Variants in CPSF4 observed in about 807,000 individuals in gnomAD.
The protein encoded by CPSF4 is cleavage and polyadenylation specific factor 4.
In CPSF4, 11 loss-of-function variants were observed where a neutral mutation model predicts 37.7. The ratio of observed to expected loss-of-function variants is 0.29; its 90% CI spans 0.18 to 0.48. The LOEUF is 0.48. Among genes scored for constraint, CPSF4 ranks in the 20% least tolerant of loss-of-function variants. The pLI is 0.99. For synonymous variants in CPSF4, 132 were observed against 135.9 expected, an observed-to-expected ratio of 0.97 and a Z score of 0.20; for missense variants, 144 against 359.5, an observed-to-expected ratio of 0.40 and a Z score of 4.85.
At chr7:99,444,981 C>T in intron 2 of CPSF4, 142 bp downstream of exon 2, 1 of 722,194 alleles carries the variant, frequency 1.4e-6, no homozygotes, top group South Asian at 1.7e-5. Flanking sequence ...CTGGTTTGGA[C>T]AGGCTAGGAC....
intron 1 of CPSF4, chr7:99,443,401 C>T: frequency 6.9e-7 from 1 of 1,457,328 alleles, no homozygotes; most frequent in East Asian, 2.3e-5. Flanking sequence ...TGGATAAGAT[C>T]TTGCTTTATT....
rs1798352695 is a variant in CPSF4, at chr7:99,456,916, C to G, written c.*416C>G. The G allele has an allele frequency of 2.9e-6, 1 of 348,298 alleles. No homozygotes were observed. Among genetic ancestry groups the G allele is most frequent in the Admixed American group, 3.8e-5 (1 of 26,098 alleles). 21.6% of individuals were successfully genotyped at this position (348,298 alleles called of 1,614,324 possible). On this transcript the variant is annotated 3_prime_UTR_variant, in exon 8 of 8. Coordinates refer to ENST00000292476, the MANE Select transcript of CPSF4 (RefSeq NM_006693.4). ...CAAAGCTGTGGCCAGCTCACGCCTG[C>G]TTCCTCCCTCCCTGCCCTGCTGAAT... is the stretch of plus-strand genomic sequence containing the variant.
chr7:99,443,000 C>A (rs1250576805), intron 1 of CPSF4: 1 of 1,543,724 alleles, frequency 6.5e-7, no homozygotes, highest in Non-Finnish European at 9.0e-7. Flanking sequence ...TTTTCAGTTT[C>A]TTATCATCTT....
intron 2 of CPSF4, chr7:99,447,794 A>T: frequency 2.2e-6 from 1 of 460,156 alleles, no homozygotes. Context: ...TTTCACCGTG[A>T]CAGCCAGGAT....
In CPSF4 at chr7:99,438,952, C is replaced by A; in HGVS notation, c.-131C>A. On this transcript the variant is annotated 5_prime_UTR_variant, in exon 1 of 8. Coordinates refer to ENST00000292476, the MANE Select transcript of CPSF4 (RefSeq NM_006693.4). ...GGCTCCGGGCGCTCCCGGCATCCCT[C>A]GGGCGGCGGCGGCGGCGGCGGCGAG... The A allele has an allele frequency of 7.4e-7, 1 of 1,352,938 alleles. No individual in the cohort carries two copies. Among genetic ancestry groups the A allele is most frequent in the Non-Finnish European group, 9.5e-7 (1 of 1,054,356 alleles). The allele number at this position is 1,352,938 out of a possible 1,614,324, so 83.8% of individuals were successfully genotyped here.
At chr7:99,451,928 G>A (rs1030431448) in intron 5 of CPSF4, among the ~76,000 whole-genome samples, 2 of 152,242 alleles carry the variant, frequency 1.3e-5, no homozygotes, top group African/African-American at 4.8e-5. Context: ...CTCCCTGAAT[G>A]AGAGTGCAGG....
Position 99,439,160 on chromosome 7 carries a change from G to A in CPSF4, c.78G>A (p.Gln26=). The change falls in exon 1 of 8, where the codon CAG becomes CAA. Residue 26 remains glutamine (Q), a synonymous_variant. Coordinates refer to ENST00000292476, the MANE Select transcript of CPSF4 (RefSeq NM_006693.4). The part of the protein sequence containing the change: ...EIAVEQQLGA[Q]PLPFPGMDKS... ...CGGTGGAGCAGCAGCTGGGGGCGCA[G>A]CCGCTGCCCTTCCCCGGCATGGACA... 1 of 1,609,054 alleles carries A rather than the reference G, an allele frequency of 6.2e-7. No individual in the cohort carries two copies. Among genetic ancestry groups the A allele is most frequent in the Non-Finnish European group, 8.5e-7 (1 of 1,179,128 alleles).
intron 7 of CPSF4, among the ~76,000 whole-genome samples, chr7:99,455,812 G>A (rs568309561): frequency 5.9e-5 from 9 of 152,306 alleles, no homozygotes; most frequent in South Asian, 4.1e-4. Context: ...TCTAAGCATC[G>A]TCCCATCTCT....
chr7:99,445,390 GCAACAGAGCAAGACTCTATCT>G (rs1797401786), intron 2 of CPSF4, among the ~76,000 whole-genome samples: 1 of 151,672 alleles, frequency 6.6e-6, no homozygotes, highest in South Asian at 2.1e-4. Context: ...CTCCAGCCTG[GCAACAGAGCAAGACTCTATCT>G]CAAAAAAAAA....
chr7:99,451,934 G>A (rs1797959629), intron 5 of CPSF4, among the ~76,000 whole-genome samples: 1 of 152,246 alleles, frequency 6.6e-6, no homozygotes, highest in African/African-American at 2.4e-5. Flanking sequence ...GAATGAGAGT[G>A]CAGGCACCTG....
At chr7:99,442,374 C>A (rs1363249494) in intron 1 of CPSF4, among the ~76,000 whole-genome samples, 1 of 151,758 alleles carries the variant, frequency 6.6e-6, no homozygotes, top group Non-Finnish European at 1.5e-5. Flanking sequence ...GCAACATAAT[C>A]GGCCGGGCGT....
chr7:99,452,904 T>C (rs1210947127), intron 6 of CPSF4: 1 of 156,466 alleles, frequency 6.4e-6, no homozygotes, highest in African/African-American at 2.4e-5. Context: ...CTGACCACTC[T>C]GGCCAGCACC....
chr7:99,444,685 C>G, intron 1 of CPSF4, 104 bp from the exon 2 acceptor site: 5 of 1,104,354 alleles, frequency 4.5e-6, no homozygotes, highest in Non-Finnish European at 5.4e-6. Context: ...ACCCTGAACC[C>G]TTGGTGGGTC....
intron 7 of CPSF4, among the ~76,000 whole-genome samples, chr7:99,455,595 CAG>C (rs1297358790): frequency 6.6e-6 from 1 of 152,226 alleles, no homozygotes; most frequent in African/African-American, 2.4e-5. Context: ...CAGAGCCCCT[CAG>C]GGCAGCAGGG....
chr7:99,456,805 G>A lies in CPSF4; in HGVS notation c.*305G>A, dbSNP rs577957963. On this transcript the variant is annotated 3_prime_UTR_variant, in exon 8 of 8. Transcript: ENST00000292476. ...GGGAGGGAGGCAGCTGCTGGGGAGG[G>A]GCTTGGCTAGGTAGTTCTGTGTGGC... 29 of 475,278 alleles carry A rather than the reference G, an allele frequency of 6.1e-5. No homozygotes were observed. The East Asian group carries it at 1.2e-3, about 20-fold the overall frequency. 29.4% of individuals were successfully genotyped at this position (475,278 alleles called of 1,614,324 possible).
chr7:99,456,630 GA>G lies in CPSF4; in HGVS notation c.*131del. On this transcript the variant is annotated 3_prime_UTR_variant, in exon 8 of 8. Coordinates refer to ENST00000292476, the MANE Select transcript of CPSF4 (RefSeq NM_006693.4). ...GCAGACACGTGGGTTTCATCACTCT[GA>G]GGGGCCACGTCTGTTAGTTTCCTAT... 1.3e-6 allele frequency: 1 copy of G among 749,092 alleles called. No homozygotes were observed. 46.4% of individuals were successfully genotyped at this position (749,092 alleles called of 1,614,324 possible).
intron 1 of CPSF4, among the ~76,000 whole-genome samples, chr7:99,441,717 G>A (rs1468471647): frequency 6.6e-6 from 1 of 151,598 alleles, no homozygotes; most frequent in Non-Finnish European, 1.5e-5. Flanking sequence ...TTTTGAGACA[G>A]AGTCTTGCTC....
At chr7:99,442,667 A>AAAC (rs1437525329) in intron 1 of CPSF4, among the ~76,000 whole-genome samples, 1 of 151,218 alleles carries the variant, frequency 6.6e-6, no homozygotes, top group African/African-American at 2.4e-5. Context: ...AAAAAAAAAA[A>AAAC]AAAAAAAACA....
At chr7:99,444,516 CT>C (rs1462742983) in intron 1 of CPSF4, among the ~76,000 whole-genome samples, 1 of 152,068 alleles carries the variant, frequency 6.6e-6, no homozygotes, top group Non-Finnish European at 1.5e-5. Flanking sequence ...CCCACCCACT[CT>C]TAACTCCTTG....
Sources: gnomAD v4.1 joint callset for allele counts (sites outside exome capture counted in the v4.1 genomes callset) on GRCh38, gnomAD v4.1.1 for gene constraint, MANE v1.5 for transcripts, NCBI Gene and HGNC (gene_info 2026-07-23, HGNC 2026-07-21) for gene names.